HYDIN: variants seen among roughly 807,000 people sequenced by gnomAD.
HYDIN encodes the protein HYDIN axonemal central pair apparatus protein.
In HYDIN, 132 loss-of-function variants were observed where a neutral mutation model predicts 403.9. The ratio of observed to expected loss-of-function variants is 0.33; its 90% CI spans 0.28 to 0.38. The LOEUF is 0.38. HYDIN is among the 10% of genes least tolerant of loss of function. The pLI is 1.00. For missense variants in HYDIN, 2,827 were observed against 5,009.5 expected, an observed-to-expected ratio of 0.56 and a Z score of 13.15; for synonymous variants, 1,202 against 1,891.7, an observed-to-expected ratio of 0.64 and a Z score of 9.46.
At chr16:70,838,230 AC>A (rs2037573846) in intron 76 of HYDIN, among the ~76,000 whole-genome samples, 1 of 151,784 alleles carries the variant, frequency 6.6e-6, no homozygotes, top group Non-Finnish European at 1.5e-5. Flanking sequence ...TCACTCTGTC[AC>A]CCAGGCTGGA....
intron 36 of HYDIN, among the ~76,000 whole-genome samples, chr16:70,965,162 T>C (rs2078535946): frequency 1.3e-5 from 2 of 152,110 alleles, no homozygotes; most frequent in African/African-American, 4.8e-5. Context: ...TTCTTCTTGT[T>C]TTAAAACTAA....
In HYDIN at chr16:71,064,856, C is replaced by G. The variant is rs758832335; in HGVS notation, c.2076-16G>C. ...TACAACACACCTGCTCGGAGGAGCC[C>G]ATCACACAATTCAAAACAGAGAGCT... On this transcript the variant is annotated splice_polypyrimidine_tract_variant and intron_variant, in intron 15 of 85. Coordinates refer to ENST00000393567, the MANE Select transcript of HYDIN (RefSeq NM_001270974.2). 6.2e-7 allele frequency: 1 copy of G among 1,605,606 alleles called. No individual in the cohort carries two copies. Among genetic ancestry groups the G allele is most frequent in the Non-Finnish European group, 8.5e-7 (1 of 1,176,658 alleles).
At chr16:70,943,688 A>G in intron 42 of HYDIN, 124 bp downstream of exon 42, 1 of 1,352,492 alleles carries the variant, frequency 7.4e-7, no homozygotes, top group Non-Finnish European at 9.8e-7. Flanking sequence ...AAGACAAGCA[A>G]ACGACTGCCT....
chr16:71,210,515 T>C (rs2088527984), intron 1 of HYDIN, among the ~76,000 whole-genome samples: 1 of 150,302 alleles, frequency 6.7e-6, no homozygotes, highest in Non-Finnish European at 1.5e-5. Flanking sequence ...GGGAGGAGGG[T>C]GGGAGGAGTG....
intron 1 of HYDIN, among the ~76,000 whole-genome samples, chr16:71,209,814 G>A (rs979977275): frequency 1.3e-5 from 2 of 152,080 alleles, no homozygotes; most frequent in African/African-American, 2.4e-5. Context: ...AAATACCTAG[G>A]AGCACAGCTA....
At chr16:70,879,180 G>A in intron 62 of HYDIN, 117 bp downstream of exon 62, 1 of 620,520 alleles carries the variant, frequency 1.6e-6, no homozygotes, top group Non-Finnish European at 2.8e-6. Context: ...ATAGGTTAAT[G>A]TATGTGGATC....
chr16:71,069,112 A>C (rs1475681872), intron 14 of HYDIN, among the ~76,000 whole-genome samples, 155 bp downstream of exon 14: 2 of 151,210 alleles, frequency 1.3e-5, no homozygotes, highest in African/African-American at 4.9e-5. Context: ...TTTGTGTCTG[A>C]TTTATTTCCT....
In HYDIN at chr16:70,958,356, T is replaced by C. The variant is rs144664763; in HGVS notation, c.6142+1291A>G. 3.7e-4 allele frequency among the ~76,000 whole-genome samples: 56 copies of C among 152,376 alleles called. No homozygotes were observed. In the East Asian group the frequency reaches 9.8e-3, roughly 27 times the overall value. On this transcript the variant is annotated intron_variant, in intron 39 of 85. Transcript: ENST00000393567. ...ATAAAAATGTCAGGCTTGTTATTAC[T>C]GTAGTTCACACTCTAATAGGCTTTT...
chr16:71,026,611 C>A (rs1466307957), intron 20 of HYDIN, among the ~76,000 whole-genome samples: 1 of 152,122 alleles, frequency 6.6e-6, no homozygotes, highest in African/African-American at 2.4e-5. Context: ...ATGGTATACA[C>A]ACAATAAAAG....
intron 22 of HYDIN, among the ~76,000 whole-genome samples, chr16:71,019,676 A>G (rs1386877747): frequency 6.6e-6 from 1 of 152,260 alleles, no homozygotes; most frequent in African/African-American, 2.4e-5. Context: ...AAAAATTTAC[A>G]TTATATATAA....
chr16:70,902,821 A>ATATATATATATT, intron 52 of HYDIN, among the ~76,000 whole-genome samples: 5 of 47,304 alleles, frequency 1.1e-4, no homozygotes, highest in Non-Finnish European at 1.5e-4. Flanking sequence ...ATATATATAT[A>ATATATATATATT]TTTTTTTTTT....
At chr16:70,829,471 C>T (rs984985913) in intron 81 of HYDIN, 147 bp downstream of exon 81, 46 of 658,078 alleles carry the variant, frequency 7.0e-5, no homozygotes, top group African/African-American at 3.6e-4. Context: ...TGACCTCAGG[C>T]GATCCACCCT....
At chr16:70,907,754 C>T (rs1013987622) in intron 49 of HYDIN, among the ~76,000 whole-genome samples, 1 of 151,850 alleles carries the variant, frequency 6.6e-6, no homozygotes, top group Non-Finnish European at 1.5e-5. Flanking sequence ...TCCCAGTGCA[C>T]CCAGCTGAAA....
chr16:70,837,515 G>A (rs1052383947), intron 77 of HYDIN, among the ~76,000 whole-genome samples, 175 bp downstream of exon 77: 2 of 151,966 alleles, frequency 1.3e-5, no homozygotes, highest in Non-Finnish European at 2.9e-5. Flanking sequence ...CTGGTGATTT[G>A]CCCCTTTCTG....
At chr16:70,894,285 T>A in intron 55 of HYDIN, 164 bp downstream of exon 55, 3 of 599,116 alleles carry the variant, frequency 5.0e-6, no homozygotes, top group Middle Eastern at 5.4e-4. Flanking sequence ...TTCTTATGAT[T>A]TCCTTGACTG....
At chr16:71,071,334 C>A (rs112966866) in intron 13 of HYDIN, among the ~76,000 whole-genome samples, 1 of 151,680 alleles carries the variant, frequency 6.6e-6, no homozygotes, top group Non-Finnish European at 1.5e-5. Flanking sequence ...GAAGGGGATG[C>A]TGATTTGTTA....
chr16:71,071,254 C>T (rs2082459759), intron 13 of HYDIN, among the ~76,000 whole-genome samples: 1 of 147,934 alleles, frequency 6.8e-6, no homozygotes, highest in Non-Finnish European at 1.5e-5. Context: ...CCAATTATGA[C>T]CTCCTAGTTA....
chr16:70,988,652 GTA>G lies in HYDIN; in HGVS notation c.3865-142_3865-141del. The G allele has an allele frequency of 1.8e-5, 6 of 342,734 alleles. 2 individuals are homozygous for G. The South Asian group carries it at 2.1e-4, about 12-fold the overall frequency. 21.2% of individuals were successfully genotyped at this position (342,734 alleles called of 1,614,324 possible). A position where few individuals can be genotyped will look rare whatever the true frequency, so the allele number is the denominator to read the frequency against. On this transcript the variant is annotated intron_variant, in intron 25 of 85. Transcript: ENST00000393567. The stretch of plus-strand genomic sequence containing the variant: ...AGATAATTGAGCAAGTGACTATAAT[GTA>G]CATACGAGGATGTTTACTGCAGCAT...
At chr16:71,145,229 T>C (rs2085321435) in intron 7 of HYDIN, among the ~76,000 whole-genome samples, 3 of 151,602 alleles carry the variant, frequency 2.0e-5, no homozygotes, top group African/African-American at 7.3e-5. Context: ...CCTCAGGAGG[T>C]AGAAACCAAC....
Sources: gnomAD v4.1 joint callset for allele counts (sites outside exome capture counted in the v4.1 genomes callset) on GRCh38, gnomAD v4.1.1 for gene constraint, MANE v1.5 for transcripts, NCBI Gene and HGNC (gene_info 2026-07-23, HGNC 2026-07-21) for gene names.